The following CHRM3 variants were observed in gnomAD, a reference collection of about 807,000 sequenced individuals.
The protein encoded by CHRM3 is cholinergic receptor muscarinic 3.
CHRM3 carries 11 observed loss-of-function variants against 41.8 expected under a neutral mutation model. The ratio of observed to expected loss-of-function variants is 0.26; its 90% CI spans 0.17 to 0.44. CHRM3 has a LOEUF of 0.44. CHRM3 is among the 20% of genes least tolerant of loss of function. The pLI is 1.00. For synonymous variants in CHRM3, 297 were observed against 301.4 expected (o/e 0.99, Z 0.15); for missense variants, 571 against 745.4 (o/e 0.77, Z 2.72).
At chr1:239,571,022 G>T (rs188306506) in intron 3 of CHRM3, among the ~76,000 whole-genome samples, 1 of 152,262 alleles carries the variant, frequency 6.6e-6, no homozygotes, top group Admixed American at 6.5e-5. Flanking sequence ...TCTGCAGAGT[G>T]AACTTTGAGA....
intron 3 of CHRM3, among the ~76,000 whole-genome samples, chr1:239,557,577 A>G (rs946261303): frequency 7.9e-5 from 12 of 152,122 alleles, no homozygotes; most frequent in Non-Finnish European, 1.2e-4. Flanking sequence ...CTGTCAACCA[A>G]TCACCTAGGT....
At chr1:239,403,822 CA>C in intron 1 of CHRM3, among the ~76,000 whole-genome samples, 1 of 151,658 alleles carries the variant, frequency 6.6e-6, no homozygotes, top group East Asian at 2.0e-4. Flanking sequence ...GGATTGAAAG[CA>C]GACCAGCTGA....
chr1:239,491,328 C>T lies in CHRM3; in HGVS notation c.-520-1381C>T, dbSNP rs566267892. Among the ~76,000 whole-genome samples the T allele has an allele frequency of 3.4e-4, 52 of 152,272 alleles. 1 individual carries two copies. The Middle Eastern group carries it at 0.01, about 30-fold the overall frequency. On this transcript the variant is annotated intron_variant, in intron 1 of 6. Transcript: ENST00000676153. ...TGCACTTTTATATCTATTAACCAAC[C>T]TCTGGCTATCTTCCCACCCACTACC...
At chr1:239,635,082 A>G (rs900343089) in intron 4 of CHRM3, among the ~76,000 whole-genome samples, 12 of 152,024 alleles carry the variant, frequency 7.9e-5, no homozygotes, top group Admixed American at 6.6e-4. Context: ...TTTTCCTTCT[A>G]TTTCTTCCAA....
chr1:239,808,633 C>A (rs1318174438), intron 5 of CHRM3, among the ~76,000 whole-genome samples: 1 of 152,164 alleles, frequency 6.6e-6, no homozygotes, highest in Non-Finnish European at 1.5e-5. Context: ...TAAGCCCTAC[C>A]GCTTCCTATA....
intron 3 of CHRM3, among the ~76,000 whole-genome samples, chr1:239,584,703 A>G (rs2148606621): frequency 6.6e-6 from 1 of 152,294 alleles, no homozygotes; most frequent in South Asian, 2.1e-4. Flanking sequence ...TTGGGATTCA[A>G]GGGATTTTCA....
chr1:239,413,439 G>A (rs536186731), intron 1 of CHRM3, among the ~76,000 whole-genome samples: 8 of 152,100 alleles, frequency 5.3e-5, no homozygotes, highest in South Asian at 2.1e-4. Context: ...ACAGGCACCC[G>A]CCATTCCACC....
rs546486273 is a variant in CHRM3 at position 239,878,545 on chromosome 1, C to T, written c.-19-28888C>T. On this transcript the variant is annotated intron_variant, in intron 6 of 6. Coordinates refer to ENST00000676153, the MANE Select transcript of CHRM3 (RefSeq NM_001375978.1). ...CCACAGACTGGTACATGTCTGTGGC[C>T]TGCATCTTGGAGATCCCGGCTATAT... Among the ~76,000 whole-genome samples, 7 of 152,132 alleles carry T rather than the reference C, an allele frequency of 4.6e-5. No individual in the cohort carries two copies. In the East Asian group the frequency reaches 1.4e-3, roughly 30 times the overall value.
At chr1:239,406,854 A>T (rs1423020782) in intron 1 of CHRM3, among the ~76,000 whole-genome samples, 1 of 152,218 alleles carries the variant, frequency 6.6e-6, no homozygotes, top group Non-Finnish European at 1.5e-5. Flanking sequence ...ATGTGTGTTT[A>T]TAATCTACAA....
In CHRM3 at chr1:239,909,299, G is replaced by A. The variant is rs199972577; in HGVS notation, c.*75G>A. 1.0e-5 allele frequency: 15 copies of A among 1,452,554 alleles called. No homozygotes were observed. Among genetic ancestry groups the A allele is most frequent in the African/African-American group, 5.7e-5 (4 of 70,328 alleles). The allele number at this position is 1,452,554 out of a possible 1,614,324, so 90.0% of individuals were successfully genotyped here. On this transcript the variant is annotated 3_prime_UTR_variant, in exon 7 of 7. Coordinates refer to ENST00000676153, the MANE Select transcript of CHRM3 (RefSeq NM_001375978.1). ...ACCTTAGGAGGAGGAAGGCGAGGGC[G>A]GGGTGACTTCTGGTGATGATAAAAA...
At chr1:239,659,959 T>G (rs2149004863) in intron 4 of CHRM3, among the ~76,000 whole-genome samples, 1 of 152,284 alleles carries the variant, frequency 6.6e-6, no homozygotes, top group South Asian at 2.1e-4. Flanking sequence ...TCTAACTGTC[T>G]TATTCTTCTT....
At chr1:239,547,905 C>T (rs1459367062) in intron 3 of CHRM3, among the ~76,000 whole-genome samples, 2 of 151,370 alleles carry the variant, frequency 1.3e-5, no homozygotes, top group South Asian at 2.1e-4. Flanking sequence ...TTTATTAGGC[C>T]GATCAAGGAA....
chr1:239,705,142 G>A (rs1661025284), intron 5 of CHRM3: 1 of 152,180 alleles, frequency 6.6e-6, no homozygotes, highest in Admixed American at 6.6e-5. Context: ...AGAAGGTCGA[G>A]GTTACAGTGA....
At chr1:239,763,945 G>C (rs960844533) in intron 5 of CHRM3, among the ~76,000 whole-genome samples, 4 of 151,750 alleles carry the variant, frequency 2.6e-5, no homozygotes, top group Non-Finnish European at 5.9e-5. Flanking sequence ...AAAAAAATTA[G>C]TCAGGCATGG....
chr1:239,532,039 G>T (rs1214754849), intron 2 of CHRM3, among the ~76,000 whole-genome samples: 3 of 113,128 alleles, frequency 2.7e-5, no homozygotes, highest in African/African-American at 1.0e-4. Context: ...TTGAGACGGA[G>T]TCTTGCCCTG....
intron 2 of CHRM3, among the ~76,000 whole-genome samples, chr1:239,521,856 T>C (rs913967757): frequency 5.9e-5 from 9 of 152,112 alleles, no homozygotes; most frequent in Admixed American, 1.3e-4. Context: ...GTACTAGATA[T>C]TACAAGTAAT....
intron 1 of CHRM3, among the ~76,000 whole-genome samples, chr1:239,421,438 T>G (rs948126737): frequency 2.0e-5 from 3 of 152,214 alleles, no homozygotes; most frequent in Non-Finnish European, 2.9e-5. Flanking sequence ...GAATGTGGCT[T>G]TGTTTTTATA....
intron 6 of CHRM3, among the ~76,000 whole-genome samples, chr1:239,863,501 G>T (rs940530098): frequency 6.6e-6 from 1 of 152,154 alleles, no homozygotes; most frequent in Non-Finnish European, 1.5e-5. Flanking sequence ...CCTTAGTCCA[G>T]CCCCTCAATG....
At chr1:239,782,769 C>A (rs904737486) in intron 5 of CHRM3, among the ~76,000 whole-genome samples, 5 of 152,046 alleles carry the variant, frequency 3.3e-5, no homozygotes, top group Non-Finnish European at 7.4e-5. Context: ...TCCCCTTCAG[C>A]ACTAGTTTTG....
Sources: gnomAD v4.1 joint callset for allele counts (sites outside exome capture counted in the v4.1 genomes callset) on GRCh38, gnomAD v4.1.1 for gene constraint, MANE v1.5 for transcripts, NCBI Gene and HGNC (gene_info 2026-07-23, HGNC 2026-07-21) for gene names.